The following TDP1 variants were observed in gnomAD, a reference collection of about 807,000 sequenced individuals.
The protein encoded by TDP1 is tyrosyl-DNA phosphodiesterase 1.
Under a neutral mutation model 81.5 loss-of-function variants are expected in TDP1, and 64 were observed. The ratio of observed to expected loss-of-function variants is 0.79; its 90% CI spans 0.64 to 0.97. The LOEUF is 0.97. TDP1 is among the 50% of genes least tolerant of loss of function. The probability of loss-of-function intolerance (pLI) is 0.00; values close to 1 mark genes in which losing one functional copy is unlikely to be tolerated. For synonymous variants in TDP1, 256 were observed against 264.3 expected, an observed-to-expected ratio of 0.97 and a Z score of 0.30; for missense variants, 723 against 743.8, an observed-to-expected ratio of 0.97 and a Z score of 0.33.
chr14:90,019,703 A>G (rs931534744), intron 15 of TDP1, among the ~76,000 whole-genome samples: 1 of 152,194 alleles, frequency 6.6e-6, no homozygotes, highest in African/African-American at 2.4e-5. Context: ...GTGAACTACA[A>G]TGTGAAGATT....
At chr14:89,969,610 AC>A (rs1386425297) in intron 5 of TDP1, among the ~76,000 whole-genome samples, 2 of 152,132 alleles carry the variant, frequency 1.3e-5, no homozygotes, top group Non-Finnish European at 2.9e-5. Flanking sequence ...TGTTTTTCTT[AC>A]CTAATTTCTA....
intron 16 of TDP1, 77 bp downstream of exon 16, chr14:90,033,291 C>G: frequency 1.1e-6 from 1 of 876,962 alleles, no homozygotes; most frequent in Non-Finnish European, 1.9e-6. Flanking sequence ...AGCCTTTGGT[C>G]TCAGTGGGAT....
chr14:89,967,461 A>G (rs1893082653), intron 5 of TDP1, 39 bp downstream of exon 5: 2 of 1,566,806 alleles, frequency 1.3e-6, no homozygotes, highest in African/African-American at 1.4e-5. Flanking sequence ...TATAAACTGT[A>G]AAGGGGCTTT....
intron 16 of TDP1, 182 bp downstream of exon 16, chr14:90,033,396 C>A: frequency 1.5e-6 from 1 of 680,740 alleles, no homozygotes; most frequent in Non-Finnish European, 2.7e-6. Context: ...CTTGGAATCC[C>A]TTTGCACTCC....
At chr14:89,994,643 A>T (rs1319284232) in intron 14 of TDP1, among the ~76,000 whole-genome samples, 1 of 152,240 alleles carries the variant, frequency 6.6e-6, no homozygotes, top group Non-Finnish European at 1.5e-5. Flanking sequence ...AGGAAGCACG[A>T]GCCCTGCCAT....
chr14:90,030,293 G>A (rs1009108899), intron 15 of TDP1, among the ~76,000 whole-genome samples: 2 of 152,178 alleles, frequency 1.3e-5, no homozygotes, highest in African/African-American at 2.4e-5. Context: ...CCTGCTCTGT[G>A]CTTTGCTGAC....
chr14:89,989,808 T>C, intron 12 of TDP1, 43 bp downstream of exon 12: 1 of 1,443,332 alleles, frequency 6.9e-7, no homozygotes, highest in Non-Finnish European at 9.8e-7. Context: ...TTATGTATAT[T>C]TCATGAATGT....
At chr14:89,963,811 G>C in intron 3 of TDP1, 138 bp downstream of exon 3, 1 of 958,760 alleles carries the variant, frequency 1.0e-6, no homozygotes, top group Non-Finnish European at 1.6e-6. Context: ...AAAAATTCTT[G>C]ACAGGCAAGT....
intron 2 of TDP1, 100 bp from the exon 3 acceptor site, chr14:89,963,008 A>G: frequency 6.3e-7 from 1 of 1,588,136 alleles, no homozygotes; most frequent in East Asian, 2.3e-5. Flanking sequence ...AGCCTCTGGA[A>G]GGTGTCAGCT....
At chr14:90,002,707 A>C (rs1157676617) in intron 14 of TDP1, among the ~76,000 whole-genome samples, 4 of 126,452 alleles carry the variant, frequency 3.2e-5, no homozygotes, top group Admixed American at 7.6e-5. Context: ...CCATCTCTAC[A>C]AAAAAAAAAA....
intron 8 of TDP1, chr14:89,983,007 AAATT>A (rs1004150140): frequency 2.4e-6 from 1 of 412,374 alleles, no homozygotes; most frequent in African/African-American, 2.1e-5. Flanking sequence ...GAATAAAATA[AAATT>A]ATTTGGCTCA....
chr14:90,013,240 A>T (rs1284799400), intron 14 of TDP1, among the ~76,000 whole-genome samples: 1 of 152,166 alleles, frequency 6.6e-6, no homozygotes, highest in Admixed American at 6.5e-5. Context: ...AAATGTGAGA[A>T]CATGAGATTT....
chr14:89,963,658 G>GTATA lies in TDP1; in HGVS notation c.544_545insTATA (p.Ala182ValfsTer23). The GTATA allele has an allele frequency of 6.2e-7, 1 of 1,614,016 alleles. No homozygotes were observed. Among genetic ancestry groups the GTATA allele is most frequent in the Admixed American group, 1.7e-5 (1 of 60,022 alleles). Reference sequence around the variant, plus strand: ...AGTTAAGCCAAAGTATAACTCTGGAGCCCTCCACATCAAGGGTAAGAGGAT... The same window carrying GTATA: ...AGTTAAGCCAAAGTATAACTCTGGAGTATACCCTCCACATCAAGGGTAAGAGGAT... On this transcript the variant is annotated frameshift_variant, in exon 3 of 17. Coordinates refer to ENST00000335725, the MANE Select transcript of TDP1 (RefSeq NM_018319.4). LOFTEE classifies it high-confidence loss of function.
rs543026345 is a variant in TDP1 at position 90,022,458 on chromosome 14, C to T, written c.1644+3040C>T. On this transcript the variant is annotated intron_variant, in intron 15 of 16. Coordinates refer to ENST00000335725, the MANE Select transcript of TDP1 (RefSeq NM_018319.4). ...TCTGCAGCCCAGGTGCTGGCCAGTC[C>T]GCATCCCAGTGACACCTCAGGCCTA... Among the ~76,000 whole-genome samples the T allele has an allele frequency of 8.5e-5, 13 of 152,326 alleles. No homozygotes were observed. In the South Asian group the frequency reaches 2.5e-3, roughly 29 times the overall value.
intron 16 of TDP1, among the ~76,000 whole-genome samples, chr14:90,040,803 A>G (rs1888284415): frequency 6.6e-6 from 1 of 152,130 alleles, no homozygotes; most frequent in South Asian, 2.1e-4. Flanking sequence ...TTCTCCTCCT[A>G]TGGTTATTTT....
intron 16 of TDP1, among the ~76,000 whole-genome samples, chr14:90,039,604 G>T (rs1426617856): frequency 6.6e-6 from 1 of 151,948 alleles, no homozygotes; most frequent in East Asian, 1.9e-4. Context: ...ATTTCTTAGG[G>T]GGTTGGAGAA....
At chr14:89,972,230 C>A (rs549075879) in intron 6 of TDP1, among the ~76,000 whole-genome samples, 1 of 152,244 alleles carries the variant, frequency 6.6e-6, no homozygotes, top group Admixed American at 6.5e-5. Flanking sequence ...AGGAAACTTT[C>A]AATTGTGACA....
chr14:89,963,004 T>C, intron 2 of TDP1, 104 bp from the exon 3 acceptor site: 1 of 1,583,496 alleles, frequency 6.3e-7, no homozygotes, highest in Non-Finnish European at 8.6e-7. Flanking sequence ...GTTCAGCCTC[T>C]GGAAGGTGTC....
intron 14 of TDP1, among the ~76,000 whole-genome samples, chr14:90,011,490 G>A (rs562768432): frequency 1.3e-5 from 2 of 152,300 alleles, no homozygotes; most frequent in South Asian, 4.1e-4. Flanking sequence ...CTAAAAACTT[G>A]TTGAATGGCT....
Sources: allele counts gnomAD v4.1 joint callset (sites outside exome capture counted in the v4.1 genomes callset), GRCh38; gene constraint gnomAD v4.1.1; transcripts MANE v1.5; gene names NCBI Gene and HGNC (gene_info 2026-07-23, HGNC 2026-07-21).